The following CPVL variants were observed in gnomAD, a reference collection of about 807,000 sequenced individuals.
The protein encoded by CPVL is carboxypeptidase vitellogenic like, also known as probable serine carboxypeptidase CPVL.
A neutral mutation model predicts 63.7 loss-of-function variants in CPVL; 51 were observed. That is an observed-to-expected ratio of 0.80 (90% CI 0.64 to 1.01). The LOEUF (loss-of-function observed/expected upper bound fraction) is 1.01. Ranked by LOEUF, CPVL falls within the 50% of genes least tolerant of loss-of-function variation. The probability of loss-of-function intolerance (pLI) is 0.00; values close to 1 mark genes in which losing one functional copy is unlikely to be tolerated. For synonymous variants in CPVL, 195 were observed against 206.0 expected (o/e 0.95, Z 0.46); for missense variants, 530 against 573.1 (o/e 0.92, Z 0.77).
intron 12 of CPVL, among the ~76,000 whole-genome samples, chr7:29,019,265 T>C (rs544161538): frequency 5.9e-5 from 9 of 152,270 alleles, no homozygotes; most frequent in Admixed American, 2.6e-4. Flanking sequence ...TGACAGACGC[T>C]CAGAAAGTCT....
intron 11 of CPVL, among the ~76,000 whole-genome samples, chr7:29,045,193 G>T (rs901552208): frequency 6.6e-6 from 1 of 152,174 alleles, no homozygotes; most frequent in African/African-American, 2.4e-5. Flanking sequence ...AGCATGGCAA[G>T]TTTAGGTGAA....
chr7:29,111,580 G>A (rs1788236449), intron 3 of CPVL, among the ~76,000 whole-genome samples: 1 of 152,198 alleles, frequency 6.6e-6, no homozygotes, highest in Admixed American at 6.5e-5. Flanking sequence ...ACAGGCTGAC[G>A]GCTACTGTGA....
intron 12 of CPVL, among the ~76,000 whole-genome samples, chr7:29,026,568 TAAATA>T (rs1787513195): frequency 6.6e-6 from 1 of 151,246 alleles, no homozygotes; most frequent in South Asian, 2.1e-4. Flanking sequence ...TTAAAAAAGA[TAAATA>T]AAATCAATAA....
At chr7:29,071,727 G>T in intron 9 of CPVL, 46 bp downstream of exon 9, 2 of 344,686 alleles carry the variant, frequency 5.8e-6, no homozygotes, top group Non-Finnish European at 1.1e-5. Context: ...TCCCTCCCCA[G>T]ATGGTTTTAA....
chr7:29,000,895 A>G (rs1157528597), intron 12 of CPVL: 1 of 152,130 alleles, frequency 6.6e-6, no homozygotes, highest in Non-Finnish European at 1.5e-5. Context: ...TTCTGTCTCT[A>G]TAGACTTGCC....
chr7:29,114,574 G>A (rs960955585), intron 2 of CPVL, among the ~76,000 whole-genome samples: 1 of 151,902 alleles, frequency 6.6e-6, no homozygotes, highest in Admixed American at 6.6e-5. Flanking sequence ...AGGCTGCAGT[G>A]AGCCATGATC....
chr7:29,189,307 G>A (rs1799114074), intron 1 of CPVL, among the ~76,000 whole-genome samples: 1 of 152,092 alleles, frequency 6.6e-6, no homozygotes, highest in Admixed American at 6.5e-5. Flanking sequence ...CACATAATGA[G>A]TGTTTAGTCA....
chr7:29,041,749 A>G (rs1038222869), intron 11 of CPVL, among the ~76,000 whole-genome samples: 2 of 152,324 alleles, frequency 1.3e-5, no homozygotes, highest in Admixed American at 6.5e-5. Context: ...AGCACTTAAA[A>G]TGTGGCTAGT....
At position 29,139,559 on chromosome 7, in the gene CPVL, T is replaced by C. The variant is rs114184727; in HGVS notation, c.-11+6870A>G. On this transcript the variant is annotated intron_variant, in intron 1 of 12. Transcript: ENST00000265394. Reference sequence around the variant, plus strand: ...GGGGGCAGGGGGGCTACAACACTGATTAAATTACATGTTTTTTAAGCACAG... The same window carrying C: ...GGGGGCAGGGGGGCTACAACACTGACTAAATTACATGTTTTTTAAGCACAG... 5.1e-3 allele frequency among the ~76,000 whole-genome samples: 769 copies of C among 152,250 alleles called. 11 individuals are homozygous for C. Among genetic ancestry groups the C allele is most frequent in the African/African-American group, 0.018 (733 of 41,548 alleles).
At chr7:29,173,129 T>C (rs13244357) in intron 5 of CPVL, among the ~76,000 whole-genome samples, 16,984 of 119,144 alleles carry the variant, frequency 0.14, 1,161 homozygotes, top group African/African-American at 0.23. Context: ...AGACTCTGTA[T>C]CAAAAAAAAA....
intron 1 of CPVL, chr7:29,127,991 TTTTTTC>T (rs1790219475): frequency 2.0e-5 from 3 of 152,050 alleles, no homozygotes; most frequent in Admixed American, 1.3e-4. Flanking sequence ...AATCTTTTTT[TTTTTTC>T]TTTTTATTTG....
At chr7:29,057,635 T>C (rs1790873345) in intron 11 of CPVL, among the ~76,000 whole-genome samples, 1 of 152,248 alleles carries the variant, frequency 6.6e-6, no homozygotes, top group African/African-American at 2.4e-5. Flanking sequence ...TTTTATGTTT[T>C]ACCTTTAGGT....
chr7:29,075,619 A>C (rs1784168077), intron 7 of CPVL, among the ~76,000 whole-genome samples: 1 of 151,488 alleles, frequency 6.6e-6, no homozygotes, highest in Admixed American at 6.6e-5. Context: ...GGGTTTATCT[A>C]CTCCAAGCTT....
At chr7:29,013,294 C>A (rs1026939986) in intron 12 of CPVL, 5 of 152,210 alleles carry the variant, frequency 3.3e-5, no homozygotes, top group African/African-American at 1.2e-4. Context: ...CCTACCCCAT[C>A]TGAATCAGAC....
At chr7:29,195,170 C>T in exon 1 of CPVL, 1 of 541,448 alleles carries the variant, frequency 1.8e-6, no homozygotes, top group Non-Finnish European at 3.1e-6. Context: ...AGAGCACCTC[C>T]GCGCCTGACA....
intron 3 of CPVL, among the ~76,000 whole-genome samples, chr7:29,101,284 T>G (rs188381425): frequency 6.6e-6 from 1 of 152,202 alleles, no homozygotes; most frequent in African/African-American, 2.4e-5. Context: ...GCAAGACAAT[T>G]AATGCATTTA....
At chr7:29,098,799 G>C (rs867253747) in intron 3 of CPVL, among the ~76,000 whole-genome samples, 2 of 152,018 alleles carry the variant, frequency 1.3e-5, no homozygotes, top group African/African-American at 4.8e-5. Context: ...ACGGTGGCTC[G>C]TGCCTGTAAT....
chr7:29,191,371 A>G (rs943478488), intron 1 of CPVL, among the ~76,000 whole-genome samples: 2 of 152,228 alleles, frequency 1.3e-5, no homozygotes, highest in Non-Finnish European at 2.9e-5. Flanking sequence ...CTGCCTTGGG[A>G]ATCAGGGAAA....
intron 5 of CPVL, among the ~76,000 whole-genome samples, chr7:29,157,332 A>G (rs1451945818): frequency 6.7e-6 from 1 of 150,290 alleles, no homozygotes; most frequent in Admixed American, 6.7e-5. Flanking sequence ...ATCCTTCTCC[A>G]CTCAATGCCC....
Sources: gnomAD v4.1 joint callset for allele counts (sites outside exome capture counted in the v4.1 genomes callset) on GRCh38, gnomAD v4.1.1 for gene constraint, MANE v1.5 for transcripts, NCBI Gene and HGNC (gene_info 2026-07-23, HGNC 2026-07-21) for gene names.